Variants in CDK19 observed in about 807,000 individuals in gnomAD.
CDK19 encodes the protein cyclin dependent kinase 19.
Under a neutral mutation model 68.3 loss-of-function variants are expected in CDK19, and 20 were observed. The ratio of observed to expected loss-of-function variants is 0.29; its 90% CI spans 0.21 to 0.43. The LOEUF is 0.43. CDK19 is among the 20% of genes least tolerant of loss of function. CDK19 has a pLI of 1.00. For synonymous variants in CDK19, 221 were observed against 222.8 expected, an observed-to-expected ratio of 0.99 and a Z score of 0.07; for missense variants, 339 against 623.5, an observed-to-expected ratio of 0.54 and a Z score of 4.86.
chr6:110,730,424 G>C (rs1344797749), intron 2 of CDK19, among the ~76,000 whole-genome samples: 1 of 152,070 alleles, frequency 6.6e-6, no homozygotes, highest in East Asian at 1.9e-4. Flanking sequence ...AAACAACAAA[G>C]TTATACTTGT....
At chr6:110,667,193 C>G (rs901002938) in intron 4 of CDK19, among the ~76,000 whole-genome samples, 17 of 152,194 alleles carry the variant, frequency 1.1e-4, no homozygotes, top group African/African-American at 4.1e-4. Context: ...ATCATTTGTT[C>G]AAAATCACAC....
intron 1 of CDK19, among the ~76,000 whole-genome samples, chr6:110,770,621 CAT>C (rs548330987): frequency 5.3e-4 from 81 of 152,276 alleles, no homozygotes; most frequent in African/African-American, 1.9e-3. Flanking sequence ...CTCCAAATCT[CAT>C]GTCCTCACAT....
At chr6:110,694,102 G>T (rs903384320) in intron 2 of CDK19, among the ~76,000 whole-genome samples, 1 of 148,692 alleles carries the variant, frequency 6.7e-6, no homozygotes. Context: ...AAGGTGTTCA[G>T]GCAACAACTA....
At chr6:110,682,390 A>T (rs1772094302) in intron 2 of CDK19, among the ~76,000 whole-genome samples, 2 of 152,240 alleles carry the variant, frequency 1.3e-5, no homozygotes, top group African/African-American at 4.8e-5. Flanking sequence ...GATTTGCCTA[A>T]TTCCAAAATG....
intron 1 of CDK19, among the ~76,000 whole-genome samples, chr6:110,791,223 C>T (rs1781575910): frequency 6.6e-6 from 1 of 151,028 alleles, no homozygotes; most frequent in African/African-American, 2.4e-5. Flanking sequence ...AAATGTAGAA[C>T]ACTGGTTCTG....
At chr6:110,654,619 G>A (rs1226365537) in intron 4 of CDK19, among the ~76,000 whole-genome samples, 1 of 152,218 alleles carries the variant, frequency 6.6e-6, no homozygotes, top group Non-Finnish European at 1.5e-5. Flanking sequence ...TAAGGTATAA[G>A]TGTCCTCTGA....
chr6:110,655,872 C>T (rs1781281310), intron 4 of CDK19, among the ~76,000 whole-genome samples: 1 of 152,146 alleles, frequency 6.6e-6, no homozygotes, highest in Non-Finnish European at 1.5e-5. Context: ...AGGAAAAATC[C>T]ACACTTCTAA....
At chr6:110,614,800 C>G (rs1451614717) in intron 12 of CDK19, 134 bp from the exon 13 acceptor site, 4 of 791,518 alleles carry the variant, frequency 5.1e-6, no homozygotes, top group Non-Finnish European at 7.9e-6. Flanking sequence ...TGACAGCTAA[C>G]TTAAGTTGTT....
upstream of CDK19, chr6:110,815,712 G>A (rs893247259): frequency 2.0e-5 from 3 of 152,644 alleles, no homozygotes; most frequent in Admixed American, 2.0e-4. Context: ...CGGTTCTCGG[G>A]GAGACACTGG....
intron 4 of CDK19, among the ~76,000 whole-genome samples, chr6:110,647,218 C>T (rs754052320): frequency 2.0e-5 from 3 of 152,164 alleles, no homozygotes; most frequent in East Asian, 1.9e-4. Flanking sequence ...AAGCATGCGA[C>T]GGTGTCTCTC....
intron 1 of CDK19, among the ~76,000 whole-genome samples, chr6:110,807,239 A>C (rs1192014574): frequency 6.6e-6 from 1 of 152,096 alleles, no homozygotes; most frequent in Admixed American, 6.6e-5. Context: ...CAAGAGACAG[A>C]CTTGCTTGAG....
In CDK19 at chr6:110,646,539, A is replaced by G. The variant is rs894761729; in HGVS notation, c.457-7833T>C. ...ACCGACGTGCGCCTCCACCTGCAAC[A>G]GGTGCTTAAGTCGTGCTGAGTACGG... On this transcript the variant is annotated intron_variant, in intron 4 of 12. Coordinates refer to ENST00000368911, the MANE Select transcript of CDK19 (RefSeq NM_015076.5). 6 of 1,160,990 alleles carry G rather than the reference A, an allele frequency of 5.2e-6. No homozygotes were observed. In the African/African-American group the frequency reaches 9.5e-5, roughly 18 times the overall value. 71.9% of individuals were successfully genotyped at this position (1,160,990 alleles called of 1,614,324 possible).
At chr6:110,669,815 C>T (rs1770845279) in intron 3 of CDK19, among the ~76,000 whole-genome samples, 1 of 152,144 alleles carries the variant, frequency 6.6e-6, no homozygotes, top group Non-Finnish European at 1.5e-5. Flanking sequence ...ATCCTTAAAG[C>T]AATCTTCACT....
Position 110,622,949 on chromosome 6 carries a change from AG to A in CDK19, c.934-38del, listed in dbSNP as rs753866887. The A allele has an allele frequency of 1.6e-5, 21 of 1,273,470 alleles. No homozygotes were observed. The Admixed American group carries it at 3.2e-4, about 19-fold the overall frequency. The allele number at this position is 1,273,470 out of a possible 1,614,324, so 78.9% of individuals were successfully genotyped here. ...CACAGGAAATGTACAGCACATGAAA[AG>A]GTTATTTACAAGTCAACACCTTGTC... On this transcript the variant is annotated intron_variant, in intron 9 of 12. Coordinates refer to ENST00000368911, the MANE Select transcript of CDK19 (RefSeq NM_015076.5).
chr6:110,711,171 T>C (rs1017730968), intron 2 of CDK19, among the ~76,000 whole-genome samples: 1 of 152,224 alleles, frequency 6.6e-6, no homozygotes, highest in African/African-American at 2.4e-5. Context: ...ACAATAGGTT[T>C]CTTAGGAATA....
At chr6:110,663,854 A>G (rs557077196) in intron 4 of CDK19, among the ~76,000 whole-genome samples, 6 of 152,166 alleles carry the variant, frequency 3.9e-5, no homozygotes, top group African/African-American at 1.4e-4. Flanking sequence ...AAATCTTATT[A>G]GAGTTACTCA....
At chr6:110,813,547 T>G (rs991193079) in intron 1 of CDK19, 7 of 152,122 alleles carry the variant, frequency 4.6e-5, no homozygotes, top group African/African-American at 1.7e-4. Context: ...CATTCCATGA[T>G]AAGCATTCAA....
At chr6:110,670,969 T>C (rs1023023137) in intron 2 of CDK19, among the ~76,000 whole-genome samples, 1 of 152,180 alleles carries the variant, frequency 6.6e-6, no homozygotes, top group South Asian at 2.1e-4. Context: ...TAATACTGCT[T>C]ATATCTACCC....
intron 2 of CDK19, among the ~76,000 whole-genome samples, chr6:110,707,801 A>C (rs1266610288): frequency 1.3e-5 from 2 of 152,038 alleles, no homozygotes; most frequent in East Asian, 3.9e-4. Flanking sequence ...GTGAAACCCC[A>C]TGTCTACTAA....
Sources: gnomAD v4.1 joint callset for allele counts (sites outside exome capture counted in the v4.1 genomes callset) on GRCh38, gnomAD v4.1.1 for gene constraint, MANE v1.5 for transcripts, NCBI Gene and HGNC (gene_info 2026-07-23, HGNC 2026-07-21) for gene names.